The following PCDHA9 variants were observed in gnomAD, a reference collection of about 807,000 sequenced individuals.
PCDHA9 encodes the protein protocadherin alpha-9.
In PCDHA9, 62 loss-of-function variants were observed where a neutral mutation model predicts 62.0. The ratio of observed to expected loss-of-function variants is 1.00; its 90% confidence interval spans 0.81 to 1.23. The LOEUF is 1.23. Among genes scored for constraint, PCDHA9 ranks in the 50% most tolerant of loss-of-function variants. PCDHA9 has a pLI of 0.00. For synonymous variants in PCDHA9, 557 were observed against 567.6 expected (o/e 0.98, Z 0.27); for missense variants, 1,205 against 1,249.8 (o/e 0.96, Z 0.54).
At chr5:140,876,395 T>C (rs1562712555) in intron 1 of PCDHA9, 2 of 1,613,920 alleles carry the variant, frequency 1.2e-6, no homozygotes, top group Non-Finnish European at 8.5e-7. Flanking sequence ...TATGGTGAAC[T>C]GGATTTTGAA....
intron 1 of PCDHA9, among the ~76,000 whole-genome samples, chr5:140,954,333 G>C (rs1554221356): frequency 1.3e-5 from 2 of 152,140 alleles, no homozygotes; most frequent in African/African-American, 4.8e-5. Flanking sequence ...TGGTATTTCT[G>C]CCTCTAGATC....
chr5:140,928,778 C>G (rs564618368), intron 1 of PCDHA9: 3 of 1,614,136 alleles, frequency 1.9e-6, no homozygotes, highest in East Asian at 4.5e-5. Context: ...CCCACTGATG[C>G]AGTTAAGCAG....
chr5:140,891,056 T>C (rs2062933451), intron 1 of PCDHA9, among the ~76,000 whole-genome samples: 1 of 152,196 alleles, frequency 6.6e-6, no homozygotes, highest in Non-Finnish European at 1.5e-5. Context: ...CAGCACATAG[T>C]AAATATTATT....
At chr5:140,901,906 G>T (rs1275600408) in intron 1 of PCDHA9, among the ~76,000 whole-genome samples, 1 of 151,902 alleles carries the variant, frequency 6.6e-6, no homozygotes, top group Non-Finnish European at 1.5e-5. Context: ...TCATTGTGGA[G>T]ATCTTTCACT....
chr5:140,893,662 A>T (rs1462433571), intron 1 of PCDHA9, among the ~76,000 whole-genome samples: 5 of 152,204 alleles, frequency 3.3e-5, no homozygotes, highest in African/African-American at 1.2e-4. Context: ...GTTTTAAAAA[A>T]TTTCAGCACT....
At chr5:140,868,200 T>G (rs1280989116) in intron 1 of PCDHA9, 4 of 152,156 alleles carry the variant, frequency 2.6e-5, no homozygotes, top group African/African-American at 9.6e-5. Flanking sequence ...ATGGCTTACA[T>G]TAGAAATAAT....
Position 140,850,051 on chromosome 5 carries a change from C to A in PCDHA9, c.1556C>A (p.Ala519Glu). ...CACGCGGAGAGCGGCAAGGTGTACG[C>A]GCTGCAGCCGTTGGACCACGAGGAG... ...SVHAESGKVY[A>E]LQPLDHEELE... The change falls in exon 1 of 4, where the codon GCG (alanine) becomes GAG (glutamate). Residue 519 changes from alanine (A) to glutamate (E), a missense_variant. Around this residue, in one of 3 missense-constraint regions of PCDHA9, gnomAD observed 887 missense variants for 809.5 expected, o/e 1.10. Transcript: ENST00000532602. 6.3e-7 allele frequency: 1 copy of A among 1,596,418 alleles called. No homozygotes were observed. The highest frequency in any genetic ancestry group is 8.6e-7 in the Non-Finnish European group (1 of 1,167,782).
intron 1 of PCDHA9, chr5:140,857,530 G>T (rs1554150174): frequency 2.5e-6 from 4 of 1,597,696 alleles, no homozygotes; most frequent in Non-Finnish European, 3.4e-6. Flanking sequence ...ACTCTCTGGT[G>T]GAGCGGCGGT....
At chr5:140,906,045 T>C (rs1002159774) in intron 1 of PCDHA9, among the ~76,000 whole-genome samples, 3 of 152,194 alleles carry the variant, frequency 2.0e-5, no homozygotes, top group African/African-American at 7.2e-5. Flanking sequence ...GCTTTTATTC[T>C]GGCTGCACTG....
At chr5:140,861,658 G>T (rs913348410) in intron 1 of PCDHA9, 2 of 268,996 alleles carry the variant, frequency 7.4e-6, no homozygotes, top group Non-Finnish European at 1.5e-5. Context: ...TTTCTGAAAC[G>T]AGAGCTCTTG....
intron 1 of PCDHA9, among the ~76,000 whole-genome samples, chr5:140,921,714 C>T (rs942328848): frequency 2.0e-5 from 3 of 152,046 alleles, no homozygotes; most frequent in South Asian, 2.1e-4. Context: ...AGTAAACACA[C>T]GAATTACTCC....
At chr5:140,972,749 C>T (rs6899060) in intron 1 of PCDHA9, among the ~76,000 whole-genome samples, 3,772 of 151,356 alleles carry the variant, frequency 0.025, 151 homozygotes, top group African/African-American at 0.085. Flanking sequence ...CTGCAACCTC[C>T]GCCTCCCAAG....
At chr5:140,882,718 T>A (rs782288800) in intron 1 of PCDHA9, 9 of 1,614,054 alleles carry the variant, frequency 5.6e-6, no homozygotes, top group Middle Eastern at 1.6e-4. Flanking sequence ...CTCCGGAAAC[T>A]CGATTTCCAC....
chr5:140,855,043 A>T (rs1177113480), intron 1 of PCDHA9, among the ~76,000 whole-genome samples: 2 of 149,900 alleles, frequency 1.3e-5, no homozygotes, highest in African/African-American at 4.9e-5. Flanking sequence ...TTTTTCTGTA[A>T]TAGTACTTTT....
chr5:140,853,923 T>C lies in PCDHA9; in HGVS notation c.2394+3034T>C, dbSNP rs150827815. 226 of 917,558 alleles carry C rather than the reference T, an allele frequency of 2.5e-4. 13 individuals carry two copies. The highest frequency in any genetic ancestry group is 2.8e-4 in the Non-Finnish European group (208 of 754,762). The allele number at this position is 917,558 out of a possible 1,614,324, so 56.8% of individuals were successfully genotyped here. A position where few individuals can be genotyped will look rare whatever the true frequency, so the allele number is the denominator to read the frequency against. On this transcript the variant is annotated intron_variant, in intron 1 of 3. Coordinates refer to ENST00000532602, the MANE Select transcript of PCDHA9 (RefSeq NM_031857.2). Reference sequence around the variant, plus strand: ...TGGCCTGACACCTGCAATCCCAACATTTTGGGAGGCCAAGGTGGGAGGGTC... The same window carrying C: ...TGGCCTGACACCTGCAATCCCAACACTTTGGGAGGCCAAGGTGGGAGGGTC...
intron 3 of PCDHA9, among the ~76,000 whole-genome samples, chr5:140,983,980 G>A (rs1169839423): frequency 6.6e-6 from 1 of 152,286 alleles, no homozygotes; most frequent in African/African-American, 2.4e-5. Flanking sequence ...AAATATACGA[G>A]TTGAAGCAAT....
intron 1 of PCDHA9, among the ~76,000 whole-genome samples, chr5:140,949,595 G>A (rs1342869045): frequency 1.3e-5 from 2 of 151,566 alleles, no homozygotes; most frequent in Admixed American, 6.6e-5. Context: ...TATTAATGTG[G>A]CCATTCTAGT....
chr5:140,885,385 T>C (rs2060578484), intron 1 of PCDHA9, among the ~76,000 whole-genome samples: 1 of 152,194 alleles, frequency 6.6e-6, no homozygotes, highest in South Asian at 2.1e-4. Flanking sequence ...TGGCAGTCCC[T>C]GCAAATCTAA....
chr5:140,928,258 G>A lies in PCDHA9; in HGVS notation c.2395-50691G>A, dbSNP rs782503341. 15 of 1,614,094 alleles carry A rather than the reference G, an allele frequency of 9.3e-6. No individual in the cohort carries two copies. The Admixed American group carries it at 2.0e-4, about 22-fold the overall frequency. On this transcript the variant is annotated intron_variant, in intron 1 of 3. Transcript: ENST00000532602. The stretch of plus-strand genomic sequence containing the variant: ...ACCCCAGCAGGAACTTTTCGTTGCT[G>A]AAAACAATGGCCCTGGGGCCTCTCT...
Sources: gnomAD v4.1 joint callset for allele counts (sites outside exome capture counted in the v4.1 genomes callset) on GRCh38, gnomAD v4.1.1 for gene constraint, gnomAD v4.1.1 regional missense constraint, MANE v1.5 for transcripts, NCBI Gene and HGNC (gene_info 2026-07-23, HGNC 2026-07-21) for gene names.